SPON1: variants seen among roughly 807,000 people sequenced by gnomAD.
SPON1 encodes the protein spondin-1.
In SPON1, 52 loss-of-function variants were observed where a neutral mutation model predicts 111.7. That is an observed-to-expected ratio of 0.47 (90% CI 0.37 to 0.59). SPON1 has a LOEUF of 0.59. Ranked by LOEUF, SPON1 falls within the 20% of genes least tolerant of loss-of-function variation. The pLI is 0.00. For missense variants in SPON1, 957 were observed against 1,068.5 expected (o/e 0.90, Z 1.46); for synonymous variants, 410 against 395.8 (o/e 1.04, Z -0.43).
intron 5 of SPON1, among the ~76,000 whole-genome samples, chr11:14,091,679 C>T (rs1554923406): frequency 1.3e-5 from 2 of 152,182 alleles, no homozygotes; most frequent in Non-Finnish European, 2.9e-5. Context: ...GCAAGTGCCG[C>T]CCGCAGCCCC....
At chr11:14,004,758 T>A (rs1848346058) in intron 2 of SPON1, among the ~76,000 whole-genome samples, 1 of 152,162 alleles carries the variant, frequency 6.6e-6, no homozygotes, top group African/African-American at 2.4e-5. Flanking sequence ...ATATGTGAAA[T>A]GCAGTTTTTT....
chr11:13,963,003 C>G lies in SPON1; in HGVS notation c.99C>G (p.Thr33=). 6.3e-7 allele frequency: 1 copy of G among 1,594,622 alleles called. No homozygotes were observed. The highest frequency in any genetic ancestry group is 8.5e-7 in the Non-Finnish European group (1 of 1,171,680). ...LAAALAFSDE[T]LDKVPKSEGY... ...CGGCGCTGGCCTTCTCCGACGAGACCCTGGACAAAGTGCCCAAGTCAGAGG... is the reference window on the plus strand; with the variant it reads ...CGGCGCTGGCCTTCTCCGACGAGACGCTGGACAAAGTGCCCAAGTCAGAGG... The change falls in exon 1 of 16, where the codon ACC becomes ACG. Residue 33 remains threonine (T), a synonymous_variant. Transcript: ENST00000576479.
At chr11:14,149,151 C>T (rs1847758892) in intron 6 of SPON1, among the ~76,000 whole-genome samples, 1 of 152,030 alleles carries the variant, frequency 6.6e-6, no homozygotes, top group South Asian at 2.1e-4. Flanking sequence ...CATTGTTATC[C>T]TAGAAGCTGA....
At chr11:14,170,660 G>A (rs1554932355) in intron 6 of SPON1, among the ~76,000 whole-genome samples, 2 of 151,680 alleles carry the variant, frequency 1.3e-5, no homozygotes, top group African/African-American at 4.8e-5. Context: ...ATTATTGTGA[G>A]GTACGTCCCA....
chr11:14,183,114 T>C (rs1365712741), intron 6 of SPON1, among the ~76,000 whole-genome samples: 7 of 152,240 alleles, frequency 4.6e-5, no homozygotes, highest in African/African-American at 1.4e-4. Context: ...TAAACTTAAA[T>C]TCCTTTTAAC....
At chr11:14,001,108 C>T (rs1279389814) in intron 2 of SPON1, among the ~76,000 whole-genome samples, 1 of 152,150 alleles carries the variant, frequency 6.6e-6, no homozygotes, top group African/African-American at 2.4e-5. Flanking sequence ...CCACCTCCTT[C>T]CTCCTCCACC....
intron 6 of SPON1, among the ~76,000 whole-genome samples, chr11:14,159,807 T>C (rs797044293): frequency 4.0e-5 from 6 of 150,002 alleles, no homozygotes; most frequent in African/African-American, 1.5e-4. Flanking sequence ...TCACATGTTC[T>C]CACTTATTTA....
At chr11:14,247,665 AG>A (rs1235395431) in intron 7 of SPON1, among the ~76,000 whole-genome samples, 1 of 152,110 alleles carries the variant, frequency 6.6e-6, no homozygotes, top group East Asian at 1.9e-4. Context: ...AGGTGGAGTA[AG>A]GGGGTGGAGA....
At chr11:14,042,234 T>C (rs1028170889) in intron 3 of SPON1, among the ~76,000 whole-genome samples, 30 of 152,202 alleles carry the variant, frequency 2.0e-4, no homozygotes, top group Admixed American at 1.4e-3. Flanking sequence ...TCAAACCTGT[T>C]TCTCCAAACT....
intron 6 of SPON1, among the ~76,000 whole-genome samples, chr11:14,187,944 G>A (rs1848304634): frequency 6.6e-6 from 1 of 152,112 alleles, no homozygotes; most frequent in Non-Finnish European, 1.5e-5. Flanking sequence ...ACCACGCCTG[G>A]CTAATTTTGT....
chr11:14,105,141 C>T (rs1554924774), intron 5 of SPON1, among the ~76,000 whole-genome samples: 1 of 152,042 alleles, frequency 6.6e-6, no homozygotes, highest in Admixed American at 6.5e-5. Flanking sequence ...CATTTTTCTT[C>T]TAGTGGATCT....
Position 14,177,234 on chromosome 11 carries a change from G to T in SPON1, c.825+41666G>T, listed in dbSNP as rs368798789. Among the ~76,000 whole-genome samples the T allele has an allele frequency of 2.3e-4, 35 of 152,266 alleles. No individual in the cohort carries two copies. The East Asian group carries it at 6.2e-3, about 27-fold the overall frequency. Reference sequence around the variant, plus strand: ...TTTTTGTATTTTTAGTAGAGACGGGGTTTCACCTTGTTAGCCAGGATGGTC... The same window carrying T: ...TTTTTGTATTTTTAGTAGAGACGGGTTTTCACCTTGTTAGCCAGGATGGTC... On this transcript the variant is annotated intron_variant, in intron 6 of 15. Coordinates refer to ENST00000576479, the MANE Select transcript of SPON1 (RefSeq NM_006108.4).
intron 6 of SPON1, among the ~76,000 whole-genome samples, chr11:14,223,296 G>A (rs1219655555): frequency 3.3e-5 from 5 of 152,116 alleles, no homozygotes; most frequent in East Asian, 1.9e-4. Flanking sequence ...CCCAGAAGGC[G>A]GAGGTTGCAG....
At chr11:14,171,994 G>A (rs1422327798) in intron 6 of SPON1, among the ~76,000 whole-genome samples, 1 of 152,178 alleles carries the variant, frequency 6.6e-6, no homozygotes, top group Non-Finnish European at 1.5e-5. Context: ...GAGTTCTGTA[G>A]ATGTCTATTA....
chr11:14,065,508 T>C (rs1484445028), intron 3 of SPON1, among the ~76,000 whole-genome samples: 3 of 152,218 alleles, frequency 2.0e-5, no homozygotes, highest in African/African-American at 7.2e-5. Context: ...TCACTTTCTA[T>C]TTCTTGTTTT....
intron 3 of SPON1, among the ~76,000 whole-genome samples, chr11:14,070,258 A>G (rs1424976505): frequency 2.6e-5 from 4 of 152,204 alleles, no homozygotes; most frequent in African/African-American, 7.2e-5. Context: ...GAGAAATTTT[A>G]TAAAGTATTT....
intron 6 of SPON1, among the ~76,000 whole-genome samples, chr11:14,187,777 G>A (rs1007194552): frequency 7.7e-6 from 1 of 129,704 alleles, no homozygotes; most frequent in Non-Finnish European, 1.7e-5. Context: ...ACCATGCCCA[G>A]CTAACTTTTT....
chr11:14,051,637 A>T (rs1259369194), intron 3 of SPON1, among the ~76,000 whole-genome samples: 1 of 152,100 alleles, frequency 6.6e-6, no homozygotes, highest in Non-Finnish European at 1.5e-5. Context: ...GAGGGCCTTT[A>T]CAGGGCACTG....
intron 2 of SPON1, among the ~76,000 whole-genome samples, chr11:14,004,406 C>T (rs1554912848): frequency 6.6e-6 from 1 of 152,162 alleles, no homozygotes. Context: ...TGAGGAACCT[C>T]CATACCATTT....
Sources: gnomAD v4.1 joint callset for allele counts (sites outside exome capture counted in the v4.1 genomes callset) on GRCh38, gnomAD v4.1.1 for gene constraint, MANE v1.5 for transcripts, NCBI Gene and HGNC (gene_info 2026-07-23, HGNC 2026-07-21) for gene names.